SOX6: variants seen among roughly 807,000 people sequenced by gnomAD.
The protein encoded by SOX6 is transcription factor SOX-6.
Under a neutral mutation model 97.8 loss-of-function variants are expected in SOX6, and 11 were observed. The observed-to-expected ratio is 0.11, with a 90% CI of 0.07 to 0.19. SOX6 has a LOEUF of 0.19. SOX6 is among the 10% of genes least tolerant of loss of function. The pLI is 1.00. For missense variants in SOX6, 810 were observed against 1,039.5 expected (o/e 0.78, Z 3.04); for synonymous variants, 360 against 371.4 (o/e 0.97, Z 0.35).
intron 4 of SOX6, among the ~76,000 whole-genome samples, chr11:16,509,433 C>CAG (rs1860844087): frequency 6.6e-6 from 1 of 151,926 alleles, no homozygotes; most frequent in African/African-American, 2.4e-5. Flanking sequence ...GTACAACTGA[C>CAG]TAAATCTAAA....
intron 1 of SOX6, among the ~76,000 whole-genome samples, chr11:16,431,678 A>G (rs1376170023): frequency 6.6e-6 from 1 of 152,166 alleles, no homozygotes; most frequent in Non-Finnish European, 1.5e-5. Context: ...TTTAACAACT[A>G]TGAAGCATAT....
intron 3 of SOX6, among the ~76,000 whole-genome samples, chr11:16,280,067 CA>C (rs1364332475): frequency 1.3e-5 from 2 of 151,984 alleles, no homozygotes; most frequent in Non-Finnish European, 2.9e-5. Flanking sequence ...ATGACTTAAT[CA>C]AAAAAGGCCA....
At chr11:16,034,276 T>C (rs934563796) in intron 12 of SOX6, among the ~76,000 whole-genome samples, 1 of 152,106 alleles carries the variant, frequency 6.6e-6, no homozygotes, top group Admixed American at 6.6e-5. Flanking sequence ...CATTGCGCAA[T>C]GCATTTTACA....
intron 1 of SOX6, among the ~76,000 whole-genome samples, chr11:16,470,746 ATGAATTCAAGGTT>A (rs1345628820): frequency 1.3e-5 from 2 of 152,190 alleles, no homozygotes; most frequent in African/African-American, 2.4e-5. Context: ...AATTTATACC[ATGAATTCAAGGTT>A]TGAATCCTGC....
chr11:16,108,815 C>A (rs1388162622), intron 7 of SOX6, among the ~76,000 whole-genome samples: 1 of 152,126 alleles, frequency 6.6e-6, no homozygotes, highest in Non-Finnish European at 1.5e-5. Flanking sequence ...TGCCCAGAGG[C>A]ACAGGTCAAA....
chr11:16,562,487 A>G (rs768905570), intron 4 of SOX6, among the ~76,000 whole-genome samples: 3 of 152,194 alleles, frequency 2.0e-5, no homozygotes, highest in Non-Finnish European at 4.4e-5. Context: ...ACTTTTAGAC[A>G]CTATCTTTTC....
chr11:16,132,444 A>AAG (rs1849828176), intron 6 of SOX6, among the ~76,000 whole-genome samples: 1 of 27,230 alleles, frequency 3.7e-5, no homozygotes, highest in African/African-American at 1.7e-4. Context: ...AAAGAAAGAA[A>AAG]AAAGAAAGAA....
intron 3 of SOX6, among the ~76,000 whole-genome samples, chr11:16,703,533 A>G (rs1234987306): frequency 6.6e-6 from 1 of 152,166 alleles, no homozygotes; most frequent in Non-Finnish European, 1.5e-5. Flanking sequence ...TCAGTTTGTC[A>G]AAGTATTTCA....
At chr11:16,413,994 A>G (rs1484688569) in intron 1 of SOX6, among the ~76,000 whole-genome samples, 1 of 140,334 alleles carries the variant, frequency 7.1e-6, no homozygotes, top group East Asian at 2.0e-4. Flanking sequence ...CGATTAAAGG[A>G]AAGAATGGCT....
chr11:15,990,726 A>G (rs1854024483), intron 13 of SOX6, among the ~76,000 whole-genome samples: 2 of 152,200 alleles, frequency 1.3e-5, no homozygotes, highest in African/African-American at 4.8e-5. Context: ...TCAGACTGAT[A>G]GCCTCAGACA....
chr11:16,439,160 T>C (rs1034665854), intron 1 of SOX6, among the ~76,000 whole-genome samples: 2 of 152,166 alleles, frequency 1.3e-5, no homozygotes, highest in Non-Finnish European at 2.9e-5. Context: ...CTATGGGCAA[T>C]ATTAATGCTA....
intron 3 of SOX6, among the ~76,000 whole-genome samples, chr11:16,695,440 G>A (rs1047168040): frequency 6.6e-6 from 1 of 152,086 alleles, no homozygotes; most frequent in Non-Finnish European, 1.5e-5. Flanking sequence ...AAAAATGAGT[G>A]GAGTAAATGA....
intron 3 of SOX6, among the ~76,000 whole-genome samples, chr11:16,685,839 C>T (rs568763266): frequency 3.3e-5 from 5 of 152,270 alleles, no homozygotes; most frequent in Non-Finnish European, 7.3e-5. Context: ...TCTGCCTGGG[C>T]ACCTAAGCTT....
chr11:16,447,754 A>C lies in SOX6; in HGVS notation c.-5+28561T>G, dbSNP rs1427083264. 2.6e-5 allele frequency among the ~76,000 whole-genome samples: 4 copies of C among 152,218 alleles called. 1 individual carries two copies. Among genetic ancestry groups the C allele is most frequent in the African/African-American group, 9.6e-5 (4 of 41,464 alleles). On this transcript the variant is annotated intron_variant, in intron 1 of 15. Transcript: ENST00000396356. ...AAAAAAATTTGCTTACTTTAATGCA[A>C]TAGTTTTCAAACTGTGTGTTGAATG... is the stretch of plus-strand genomic sequence containing the variant.
intron 6 of SOX6, among the ~76,000 whole-genome samples, chr11:16,115,594 A>G (rs1240726042): frequency 6.6e-6 from 1 of 152,174 alleles, no homozygotes; most frequent in Non-Finnish European, 1.5e-5. Context: ...TCTAATCCAA[A>G]GCTCACAATT....
In SOX6 at chr11:16,166,256, T is replaced by A. The variant is rs567201435; in HGVS notation, c.777+17630A>T. 8.5e-5 allele frequency among the ~76,000 whole-genome samples: 13 copies of A among 152,266 alleles called. No homozygotes were observed. In the South Asian group the frequency reaches 2.7e-3, roughly 32 times the overall value. ...TTAACAGCTGATTAATCAGCAAACATCTCCGAATTGGATAGACTTTACCTC... is the reference window on the plus strand; with the variant it reads ...TTAACAGCTGATTAATCAGCAAACAACTCCGAATTGGATAGACTTTACCTC... On this transcript the variant is annotated intron_variant, in intron 6 of 15. Transcript: ENST00000683767.
chr11:16,309,225 CAT>C (rs1409093768), intron 3 of SOX6, among the ~76,000 whole-genome samples: 2 of 152,188 alleles, frequency 1.3e-5, no homozygotes, highest in Admixed American at 6.5e-5. Context: ...CAAGAATCTT[CAT>C]ATGTTATTGT....
chr11:16,445,457 G>T (rs1397998812), intron 1 of SOX6, among the ~76,000 whole-genome samples: 4 of 152,066 alleles, frequency 2.6e-5, no homozygotes, highest in Non-Finnish European at 5.9e-5. Context: ...GTATCTGTGG[G>T]CATTTTTATA....
At chr11:16,726,706 T>C (rs1848309034) in intron 2 of SOX6, among the ~76,000 whole-genome samples, 1 of 152,192 alleles carries the variant, frequency 6.6e-6, no homozygotes, top group Non-Finnish European at 1.5e-5. Context: ...TTCTAAATTA[T>C]TCACAAATAT....
Sources: gnomAD v4.1 joint callset for allele counts (sites outside exome capture counted in the v4.1 genomes callset) on GRCh38, gnomAD v4.1.1 for gene constraint, MANE v1.5 for transcripts, NCBI Gene and HGNC (gene_info 2026-07-23, HGNC 2026-07-21) for gene names.